Variants in GPC5 observed in about 807,000 individuals in gnomAD.
GPC5 encodes the protein glypican-5.
Under a neutral mutation model 53.9 loss-of-function variants are expected in GPC5, and 47 were observed. The observed-to-expected ratio is 0.87, with a 90% CI of 0.69 to 1.11. The LOEUF is 1.11. GPC5 is among the 50% of genes most tolerant of loss of function. The pLI, the probability that GPC5 is intolerant of heterozygous loss-of-function variation, is 0.00. For synonymous variants in GPC5, 286 were observed against 263.3 expected (o/e 1.09, Z -0.84); for missense variants, 748 against 713.1 (o/e 1.05, Z -0.56).
chr13:92,040,870 G>A (rs908379834), intron 6 of GPC5, among the ~76,000 whole-genome samples: 4 of 152,116 alleles, frequency 2.6e-5, no homozygotes, highest in Admixed American at 1.3e-4. Flanking sequence ...TATTTATTGA[G>A]ACAAAGTTTT....
chr13:92,537,679 G>A (rs1442432986), intron 7 of GPC5, among the ~76,000 whole-genome samples: 1 of 152,072 alleles, frequency 6.6e-6, no homozygotes, highest in African/African-American at 2.4e-5. Flanking sequence ...GGTAATGAAT[G>A]TCAAAATCCT....
At chr13:91,794,839 T>C (rs1422056061) in intron 5 of GPC5, among the ~76,000 whole-genome samples, 1 of 152,182 alleles carries the variant, frequency 6.6e-6, no homozygotes, top group Non-Finnish European at 1.5e-5. Flanking sequence ...GTCTTCCCCA[T>C]TATCCAGAGA....
chr13:92,458,005 A>C (rs1672914750), intron 7 of GPC5, among the ~76,000 whole-genome samples: 1 of 152,126 alleles, frequency 6.6e-6, no homozygotes, highest in African/African-American at 2.4e-5. Flanking sequence ...GAGAAGATGA[A>C]GTTTTCAGTT....
At chr13:92,367,263 TTATTTTGTA>T (rs1467684635) in intron 7 of GPC5, among the ~76,000 whole-genome samples, 8 of 152,224 alleles carry the variant, frequency 5.3e-5, no homozygotes, top group African/African-American at 1.9e-4. Flanking sequence ...ATGTTCCATG[TTATTTTGTA>T]TATTTTGTAA....
chr13:91,962,138 G>T (rs2040131930), intron 6 of GPC5, among the ~76,000 whole-genome samples: 1 of 152,096 alleles, frequency 6.6e-6, no homozygotes, highest in Non-Finnish European at 1.5e-5. Context: ...TAGCTAGAAG[G>T]TCGTTGGCAA....
chr13:92,430,240 G>C (rs144704453), intron 7 of GPC5, among the ~76,000 whole-genome samples: 7 of 151,996 alleles, frequency 4.6e-5, no homozygotes, highest in Admixed American at 4.6e-4. Flanking sequence ...TTAGAAAAAT[G>C]GGGGGAAAAA....
intron 6 of GPC5, among the ~76,000 whole-genome samples, chr13:92,134,873 C>A (rs2041771113): frequency 6.6e-6 from 1 of 151,842 alleles, no homozygotes; most frequent in African/African-American, 2.4e-5. Flanking sequence ...TGTGTGTGGG[C>A]AAATGAAAGT....
At chr13:92,442,919 T>A (rs1387490895) in intron 7 of GPC5, among the ~76,000 whole-genome samples, 2 of 152,194 alleles carry the variant, frequency 1.3e-5, no homozygotes, top group Non-Finnish European at 2.9e-5. Flanking sequence ...GATGTCCTGA[T>A]CCTTGTTAGA....
At chr13:91,750,674 C>CTTTTTTTTTT (rs752907631) in intron 4 of GPC5, among the ~76,000 whole-genome samples, 6 of 82,026 alleles carry the variant, frequency 7.3e-5, no homozygotes, top group Admixed American at 1.6e-4. Context: ...TAGGTAAGTC[C>CTTTTTTTTTT]TTTTTTTTTT....
Position 91,399,343 on chromosome 13 carries a change from G to A in GPC5, c.163+134G>A, listed in dbSNP as rs1003718873. The A allele has an allele frequency of 2.2e-5, 25 of 1,121,706 alleles. No homozygotes were observed. The Admixed American group carries it at 6.6e-4, about 30-fold the overall frequency. 69.5% of individuals were successfully genotyped at this position (1,121,706 alleles called of 1,614,324 possible). On this transcript the variant is annotated intron_variant, in intron 1 of 7. Coordinates refer to ENST00000377067, the MANE Select transcript of GPC5 (RefSeq NM_004466.6). ...GCCGCGCAGGGTGAATCCCGGGGAGGCTTCCGGGGATGCTTGGTGCGGGTA... is the reference window on the plus strand; with the variant it reads ...GCCGCGCAGGGTGAATCCCGGGGAGACTTCCGGGGATGCTTGGTGCGGGTA...
chr13:92,845,714 T>A (rs950817829), intron 7 of GPC5, among the ~76,000 whole-genome samples: 1 of 152,146 alleles, frequency 6.6e-6, no homozygotes. Context: ...ACCATCACAC[T>A]ATCTATACCG....
At chr13:91,890,336 A>C (rs2039371543) in intron 5 of GPC5, among the ~76,000 whole-genome samples, 1 of 152,104 alleles carries the variant, frequency 6.6e-6, no homozygotes, top group South Asian at 2.1e-4. Context: ...ACTCTATTTT[A>C]ATCCTGAAAA....
intron 7 of GPC5, among the ~76,000 whole-genome samples, chr13:92,299,547 TTC>T (rs1401606080): frequency 2.6e-5 from 4 of 152,158 alleles, no homozygotes; most frequent in Admixed American, 2.0e-4. Context: ...AGTAACATAT[TTC>T]TGTCATTACA....
intron 2 of GPC5, among the ~76,000 whole-genome samples, chr13:91,667,256 C>G (rs1239395633): frequency 6.6e-6 from 1 of 152,160 alleles, no homozygotes; most frequent in East Asian, 1.9e-4. Context: ...AATGCTGGAT[C>G]TAGTCACCAT....
intron 5 of GPC5, among the ~76,000 whole-genome samples, chr13:91,823,591 A>T (rs180887461): frequency 1.2e-4 from 19 of 152,214 alleles, no homozygotes; most frequent in Middle Eastern, 6.8e-3. Context: ...TCCAGGATTT[A>T]CCTTCTTCAC....
At chr13:91,717,366 A>G (rs1422342973) in intron 3 of GPC5, among the ~76,000 whole-genome samples, 1 of 152,190 alleles carries the variant, frequency 6.6e-6, no homozygotes, top group Non-Finnish European at 1.5e-5. Context: ...ACTGTGCTTT[A>G]GGAAGATTAA....
intron 7 of GPC5, among the ~76,000 whole-genome samples, chr13:92,206,710 G>A (rs984574223): frequency 6.6e-6 from 1 of 151,972 alleles, no homozygotes; most frequent in Non-Finnish European, 1.5e-5. Context: ...TACCAACAAG[G>A]CCAGTGTTAC....
Position 91,693,193 on chromosome 13 carries a change from T to C in GPC5, c.332T>C (p.Leu111Pro), listed in dbSNP as rs1284813407. The C allele has an allele frequency of 1.2e-6, 2 of 1,612,000 alleles. No individual in the cohort carries two copies. Among genetic ancestry groups the C allele is most frequent in the Non-Finnish European group, 1.7e-6 (2 of 1,178,652 alleles). The change falls in exon 3 of 8, where the codon CTT becomes CCT. Residue 111 changes from leucine (L) to proline (P), a missense_variant. Transcript: ENST00000377067. The stretch of plus-strand genomic sequence containing the variant: ...ACCTCTGCTTGTGTTACAGAAACCC[T>C]TGAAACTCTCATCAAACAAGCAGAA... ...SRNAAAFQET[L>P]ETLIKQAENY...
At chr13:91,610,987 A>G (rs2139306120) in intron 2 of GPC5, among the ~76,000 whole-genome samples, 1 of 152,334 alleles carries the variant, frequency 6.6e-6, no homozygotes, top group Non-Finnish European at 1.5e-5. Flanking sequence ...TAAAAGTGAC[A>G]GTTTTGGTAA....
Sources: gnomAD v4.1 joint callset for allele counts (sites outside exome capture counted in the v4.1 genomes callset) on GRCh38, gnomAD v4.1.1 for gene constraint, MANE v1.5 for transcripts, NCBI Gene and HGNC (gene_info 2026-07-23, HGNC 2026-07-21) for gene names.